Variants in MARCHF1 observed in about 807,000 individuals in gnomAD.
MARCHF1 encodes the protein membrane associated ring-CH-type finger 1.
A neutral mutation model predicts 54.2 loss-of-function variants in MARCHF1; 40 were observed. The observed-to-expected ratio is 0.74, with a 90% CI of 0.57 to 0.96. The LOEUF is 0.96. MARCHF1 is among the 40% of genes least tolerant of loss of function. MARCHF1 has a pLI of 0.00. For synonymous variants in MARCHF1, 236 were observed against 236.3 expected, an observed-to-expected ratio of 1.00 and a Z score of 0.01; for missense variants, 586 against 656.5, an observed-to-expected ratio of 0.89 and a Z score of 1.17.
chr4:163,727,399 C>G (rs760436011), intron 4 of MARCHF1, among the ~76,000 whole-genome samples: 1 of 151,908 alleles, frequency 6.6e-6, no homozygotes, highest in Non-Finnish European at 1.5e-5. Context: ...GCTCCGCCTC[C>G]CAGGTTCACG....
chr4:163,772,750 G>T (rs531402276), intron 4 of MARCHF1, among the ~76,000 whole-genome samples: 2 of 22,930 alleles, frequency 8.7e-5, no homozygotes, highest in African/African-American at 1.5e-4. Context: ...AGGCTAGGGC[G>T]TTCAAATAAC....
At chr4:163,629,425 T>G (rs1171583021) in intron 5 of MARCHF1, among the ~76,000 whole-genome samples, 1 of 152,106 alleles carries the variant, frequency 6.6e-6, no homozygotes, top group Non-Finnish European at 1.5e-5. Context: ...ATTAAAGACT[T>G]AAATGTAAGA....
At chr4:163,895,917 A>G (rs1349767997) in intron 3 of MARCHF1, among the ~76,000 whole-genome samples, 1 of 152,138 alleles carries the variant, frequency 6.6e-6, no homozygotes, top group African/African-American at 2.4e-5. Context: ...CTGCCCCACA[A>G]TAAACACAAA....
intron 3 of MARCHF1, among the ~76,000 whole-genome samples, chr4:163,859,421 G>A (rs998284024): frequency 4.7e-5 from 7 of 150,032 alleles, no homozygotes; most frequent in Non-Finnish European, 7.4e-5. Flanking sequence ...GTGCAATGGC[G>A]TGATCTTGGC....
At chr4:164,334,761 G>A (rs1280545823) in intron 1 of MARCHF1, among the ~76,000 whole-genome samples, 2 of 152,182 alleles carry the variant, frequency 1.3e-5, no homozygotes, top group African/African-American at 4.8e-5. Flanking sequence ...TCTGGGCAAA[G>A]TAAATTGAAA....
At chr4:163,550,407 G>C (rs1225110546) in intron 8 of MARCHF1, among the ~76,000 whole-genome samples, 1 of 151,466 alleles carries the variant, frequency 6.6e-6, no homozygotes, top group Non-Finnish European at 1.5e-5. Flanking sequence ...TCCAGCTTCC[G>C]TAACAGTCAC....
In MARCHF1 at chr4:164,252,036, A is replaced by G. The variant is rs562979738; in HGVS notation, c.-323+131834T>C. Among the ~76,000 whole-genome samples the G allele has an allele frequency of 1.7e-3, 252 of 152,316 alleles. 1 individual carries two copies. The highest frequency in any genetic ancestry group is 5.9e-3 in the African/African-American group (245 of 41,586). On this transcript the variant is annotated intron_variant, in intron 1 of 9. Transcript: ENST00000514618. ...CTCTGAAATTACTTTCAGAAATAAT[A>G]TTACTAAACTAAAATGCATTAGAAT...
At chr4:164,134,722 A>G (rs1044177436) in intron 1 of MARCHF1, among the ~76,000 whole-genome samples, 8 of 152,100 alleles carry the variant, frequency 5.3e-5, no homozygotes, top group African/African-American at 1.9e-4. Context: ...AGAGAGAATT[A>G]CTTTTGTCTT....
chr4:163,630,010 T>C (rs992615617), intron 5 of MARCHF1, among the ~76,000 whole-genome samples: 3 of 152,150 alleles, frequency 2.0e-5, no homozygotes, highest in Non-Finnish European at 2.9e-5. Flanking sequence ...TTGTACATTG[T>C]TGGAGGAAAT....
At chr4:163,835,972 T>C (rs768250183) in intron 4 of MARCHF1, among the ~76,000 whole-genome samples, 11 of 152,108 alleles carry the variant, frequency 7.2e-5, no homozygotes, top group Non-Finnish European at 1.2e-4. Flanking sequence ...AGGAAAATAA[T>C]ATAACAAAGG....
chr4:163,852,006 A>G (rs571502068), intron 4 of MARCHF1, among the ~76,000 whole-genome samples: 4 of 152,334 alleles, frequency 2.6e-5, no homozygotes, highest in East Asian at 1.9e-4. Context: ...GTTAAAGTGT[A>G]TAGAGGTTAT....
At chr4:163,729,328 A>G (rs1311727673) in intron 4 of MARCHF1, among the ~76,000 whole-genome samples, 1 of 152,050 alleles carries the variant, frequency 6.6e-6, no homozygotes, top group South Asian at 2.1e-4. Context: ...CTCTACTTCT[A>G]TCTCCTGGAA....
At chr4:163,913,341 C>T (rs1751237189) in intron 3 of MARCHF1, among the ~76,000 whole-genome samples, 1 of 152,150 alleles carries the variant, frequency 6.6e-6, no homozygotes, top group South Asian at 2.1e-4. Context: ...GGATCTGCTT[C>T]TGTTTTAATG....
chr4:163,547,852 T>G (rs1738961005), intron 8 of MARCHF1, among the ~76,000 whole-genome samples: 1 of 152,222 alleles, frequency 6.6e-6, no homozygotes, highest in South Asian at 2.1e-4. Context: ...AATCATCATG[T>G]AATTTTCCTT....
intron 4 of MARCHF1, among the ~76,000 whole-genome samples, chr4:163,812,531 G>A (rs1748421772): frequency 6.6e-6 from 1 of 152,138 alleles, no homozygotes; most frequent in African/African-American, 2.4e-5. Flanking sequence ...GTCAAGGCGG[G>A]TGGATCACCT....
At chr4:164,194,528 G>T (rs1261409291) in intron 1 of MARCHF1, among the ~76,000 whole-genome samples, 3 of 151,908 alleles carry the variant, frequency 2.0e-5, no homozygotes, top group African/African-American at 7.3e-5. Flanking sequence ...AATACCTGGT[G>T]TCTGTCAAAA....
intron 2 of MARCHF1, among the ~76,000 whole-genome samples, chr4:164,041,752 A>C (rs1246920288): frequency 6.6e-6 from 1 of 152,172 alleles, no homozygotes; most frequent in African/African-American, 2.4e-5. Flanking sequence ...GGTAGGGCCC[A>C]GAAATCTGTT....
intron 2 of MARCHF1, among the ~76,000 whole-genome samples, chr4:164,091,107 C>T (rs1318152280): frequency 6.6e-6 from 1 of 151,914 alleles, no homozygotes; most frequent in African/African-American, 2.4e-5. Context: ...TAAGGTCACA[C>T]CAAATGTCAA....
chr4:163,872,128 G>A (rs1750181557), intron 3 of MARCHF1, among the ~76,000 whole-genome samples: 1 of 152,204 alleles, frequency 6.6e-6, no homozygotes, highest in African/African-American at 2.4e-5. Context: ...GTGAGTATAA[G>A]TGACATTTAA....
Sources: gnomAD v4.1 joint callset for allele counts (sites outside exome capture counted in the v4.1 genomes callset) on GRCh38, gnomAD v4.1.1 for gene constraint, MANE v1.5 for transcripts, NCBI Gene and HGNC (gene_info 2026-07-23, HGNC 2026-07-21) for gene names.